The following RABEPK variants were observed in gnomAD, a reference collection of about 807,000 sequenced individuals.
RABEPK encodes the protein 40 kDa Rab9 effector protein.
RABEPK carries 27 observed loss-of-function variants against 34.1 expected under a neutral mutation model. The observed-to-expected ratio is 0.79, with a 90% confidence interval of 0.58 to 1.09. The LOEUF (loss-of-function observed/expected upper bound fraction) is 1.09. Ranked by LOEUF, RABEPK falls within the 50% of genes least tolerant of loss-of-function variation. The pLI is 0.00. For synonymous variants in RABEPK, 172 were observed against 169.2 expected, an observed-to-expected ratio of 1.02 and a Z score of -0.13; for missense variants, 449 against 462.6, an observed-to-expected ratio of 0.97 and a Z score of 0.27.
At chr9:125,223,292 A>G (rs558482293) in intron 5 of RABEPK, among the ~76,000 whole-genome samples, 1 of 151,820 alleles carries the variant, frequency 6.6e-6, no homozygotes, top group East Asian at 1.9e-4. Flanking sequence ...ACAAAAAATT[A>G]GCTGGACGTG....
chr9:125,204,580 C>T (rs947621481), intron 2 of RABEPK, among the ~76,000 whole-genome samples: 1 of 152,182 alleles, frequency 6.6e-6, no homozygotes, highest in Admixed American at 6.6e-5. Flanking sequence ...GAGACTCCGT[C>T]TCAAACAAAC....
At chr9:125,230,791 T>C (rs972968776) in intron 6 of RABEPK, among the ~76,000 whole-genome samples, 9 of 151,406 alleles carry the variant, frequency 5.9e-5, no homozygotes, top group African/African-American at 2.2e-4. Context: ...CACCTCGGCC[T>C]CCCAAAGTGC....
chr9:125,212,658 T>C (rs186398542), intron 3 of RABEPK, among the ~76,000 whole-genome samples: 63 of 151,006 alleles, frequency 4.2e-4, no homozygotes, highest in Middle Eastern at 6.8e-3. Context: ...TTCTTTCTTT[T>C]TTTTTTTTTT....
At chr9:125,217,177 A>C (rs563829694) in intron 4 of RABEPK, among the ~76,000 whole-genome samples, 1 of 152,168 alleles carries the variant, frequency 6.6e-6, no homozygotes, top group South Asian at 2.1e-4. Context: ...GGATAGTAAT[A>C]GTTTCTACCT....
rs372467435 is a variant in RABEPK, at chr9:125,203,032, T to G, written c.19T>G (p.Leu7Val). MKQLPV[L>V]EPGDKPRKAT... ...GGACACCATGAAGCAACTGCCAGTC[T>G]TGGAACCTGGAGACAAGCCCAGGAA... The change falls in exon 2 of 8, where the codon TTG becomes GTG. Residue 7 changes from leucine to valine, a missense_variant. Leu to Val is a conservative substitution (Grantham distance 32). Coordinates refer to ENST00000373538, the MANE Select transcript of RABEPK (RefSeq NM_005833.4). 5.0e-6 allele frequency: 8 copies of G among 1,613,618 alleles called. No individual in the cohort carries two copies. Among genetic ancestry groups the G allele is most frequent in the South Asian group, 1.1e-5 (1 of 91,070 alleles).
chr9:125,230,697 G>A (rs902507625), intron 6 of RABEPK, among the ~76,000 whole-genome samples: 54 of 151,808 alleles, frequency 3.6e-4, no homozygotes, highest in African/African-American at 1.2e-3. Context: ...CACCACGCCC[G>A]GCTAATTTTT....
chr9:125,209,357 C>CT (rs201992041), intron 3 of RABEPK, among the ~76,000 whole-genome samples: 11 of 140,164 alleles, frequency 7.8e-5, no homozygotes, highest in South Asian at 2.3e-4. Flanking sequence ...CCACACCAGC[C>CT]TTTTTTTTTT....
At chr9:125,218,054 G>A (rs1259045702) in intron 4 of RABEPK, among the ~76,000 whole-genome samples, 1 of 151,816 alleles carries the variant, frequency 6.6e-6, no homozygotes, top group Non-Finnish European at 1.5e-5. Context: ...GCTCACGCCT[G>A]TAATCTCAGC....
At chr9:125,221,225 G>A (rs118037503) in intron 5 of RABEPK, 1,961 of 152,160 alleles carry the variant, frequency 0.013, 103 homozygotes, top group Admixed American at 0.082. Flanking sequence ...GGCCGGGAAC[G>A]GTGGCTCACG....
intron 3 of RABEPK, among the ~76,000 whole-genome samples, chr9:125,210,329 G>A (rs746588991): frequency 6.0e-5 from 9 of 150,540 alleles, no homozygotes; most frequent in African/African-American, 7.3e-5. Context: ...GCGTGAATCC[G>A]GGAGGCGGAG....
chr9:125,222,056 T>A (rs1831379291), intron 5 of RABEPK: 1 of 151,748 alleles, frequency 6.6e-6, no homozygotes, highest in Non-Finnish European at 1.5e-5. Context: ...TCAAGCAATC[T>A]GCCTGCCTCT....
intron 4 of RABEPK, among the ~76,000 whole-genome samples, chr9:125,217,073 A>G (rs185986562): frequency 2.0e-5 from 3 of 152,082 alleles, no homozygotes; most frequent in Admixed American, 6.6e-5. Context: ...TATGGTGCTT[A>G]AGGGCACAGA....
chr9:125,232,622 C>G lies in RABEPK; in HGVS notation c.703C>G (p.Pro235Ala). 1 of 1,613,300 alleles carries G rather than the reference C, an allele frequency of 6.2e-7. No individual in the cohort carries two copies. Among genetic ancestry groups the G allele is most frequent in the Non-Finnish European group, 8.5e-7 (1 of 1,179,626 alleles). ...ISDMKWQKLN[P>A]TGAAPAGCAA... Reference sequence around the variant, plus strand: ...TGACATGAAATGGCAGAAGCTAAATCCCACTGGGGCTGCTCCAGCAGGCTG... The same window carrying G: ...TGACATGAAATGGCAGAAGCTAAATGCCACTGGGGCTGCTCCAGCAGGCTG... The change falls in exon 7 of 8, where the codon CCC becomes GCC. Residue 235 changes from proline (P) to alanine (A), a missense_variant. Coordinates refer to ENST00000373538, the MANE Select transcript of RABEPK (RefSeq NM_005833.4).
chr9:125,224,165 C>T (rs1194037554), intron 5 of RABEPK, among the ~76,000 whole-genome samples: 1 of 148,202 alleles, frequency 6.7e-6, no homozygotes, highest in Non-Finnish European at 1.5e-5. Context: ...CACTGCACTC[C>T]AGCCTGGGCA....
intron 4 of RABEPK, among the ~76,000 whole-genome samples, chr9:125,213,848 T>C (rs1407873322): frequency 6.6e-6 from 1 of 152,152 alleles, no homozygotes; most frequent in Non-Finnish European, 1.5e-5. Flanking sequence ...AGGCCGGGCA[T>C]GGTGGCCCAT....
chr9:125,233,330 T>G (rs13300019), intron 7 of RABEPK, among the ~76,000 whole-genome samples: 8 of 104,592 alleles, frequency 7.6e-5, no homozygotes, highest in African/African-American at 3.6e-4. Flanking sequence ...CTGGAAATTG[T>G]TTTTTTTTTT....
Position 125,233,862 on chromosome 9 carries a change from G to A in RABEPK, c.1001G>A (p.Ser334Asn). ...GAGGATTCAGCTGACAAAGTAATGAGCCACAGTGGTGACTCACATGAGGAA... is the reference window on the plus strand; with the variant it reads ...GAGGATTCAGCTGACAAAGTAATGAACCACAGTGGTGACTCACATGAGGAA... ...EKEDSADKVM[S>N]HSGDSHEESQ... Residue 334 changes from serine (S) to asparagine (N), a missense_variant, in exon 8 of 8, where the codon AGC (serine) becomes AAC (asparagine). Ser to Asn is a conservative substitution (Grantham distance 46). Transcript: ENST00000373538. 6.2e-7 allele frequency: 1 copy of A among 1,614,190 alleles called. No individual in the cohort carries two copies. The highest frequency in any genetic ancestry group is 8.5e-7 in the Non-Finnish European group (1 of 1,180,034).
intron 2 of RABEPK, among the ~76,000 whole-genome samples, chr9:125,205,586 G>A (rs927116878): frequency 1.3e-5 from 2 of 152,108 alleles, no homozygotes; most frequent in Admixed American, 6.6e-5. Flanking sequence ...TCCGCCTCCC[G>A]GGTTCAAGCG....
chr9:125,202,537 A>G (rs1337346879), intron 1 of RABEPK, among the ~76,000 whole-genome samples: 1 of 147,714 alleles, frequency 6.8e-6, no homozygotes, highest in Non-Finnish European at 1.5e-5. Context: ...AATAATAAAG[A>G]TAAATACATA....
Sources: allele counts gnomAD v4.1 joint callset (sites outside exome capture counted in the v4.1 genomes callset), GRCh38; gene constraint gnomAD v4.1.1; transcripts MANE v1.5; gene names NCBI Gene and HGNC (gene_info 2026-07-23, HGNC 2026-07-21).